GALNT13: variants seen among roughly 807,000 people sequenced by gnomAD.
GALNT13 encodes UDP-GalNAc:polypeptide N-acetylgalactosaminyltransferase 13.
A neutral mutation model predicts 64.2 loss-of-function variants in GALNT13; 28 were observed. The observed-to-expected ratio is 0.44, with a 90% CI of 0.32 to 0.60. The LOEUF (loss-of-function observed/expected upper bound fraction) is 0.60. GALNT13 is among the 20% of genes least tolerant of loss of function. The pLI, the probability that GALNT13 is intolerant of heterozygous loss-of-function variation, is 0.05. For synonymous variants in GALNT13, 214 were observed against 224.6 expected (o/e 0.95, Z 0.42); for missense variants, 577 against 669.8 (o/e 0.86, Z 1.53).
At chr2:153,255,718 A>G in the GALNT13 span, among the ~76,000 whole-genome samples, 4 of 152,244 alleles carry the variant, frequency 2.6e-5, no homozygotes, top group African/African-American at 9.6e-5. Flanking sequence ...TTTGTCCTTC[A>G]CTTATGAAGC....
the GALNT13 span, among the ~76,000 whole-genome samples, chr2:153,081,281 T>C: frequency 6.6e-6 from 1 of 152,172 alleles, no homozygotes; most frequent in Admixed American, 6.5e-5. Context: ...TGAGATGTTT[T>C]GATACAGGTA....
At chr2:153,152,036 C>T in the GALNT13 span, among the ~76,000 whole-genome samples, 11 of 151,966 alleles carry the variant, frequency 7.2e-5, no homozygotes, top group South Asian at 2.1e-4. Context: ...CTGAATGGAG[C>T]GGGTCTAGCT....
chr2:153,527,125 T>C, the GALNT13 span, among the ~76,000 whole-genome samples: 1 of 152,148 alleles, frequency 6.6e-6, no homozygotes, highest in South Asian at 2.1e-4. Context: ...AGAAAGTTTA[T>C]TCAAAGGGAT....
At chr2:153,439,262 T>G in the GALNT13 span, among the ~76,000 whole-genome samples, 1 of 152,216 alleles carries the variant, frequency 6.6e-6, no homozygotes, top group Admixed American at 6.5e-5. Flanking sequence ...GCTCCTCAGG[T>G]GTCAGGGACC....
chr2:154,351,887 A>G (rs1696431488), intron 9 of GALNT13, among the ~76,000 whole-genome samples: 1 of 152,118 alleles, frequency 6.6e-6, no homozygotes. Context: ...GAAATAAAAC[A>G]TATTAATCAA....
the GALNT13 span, among the ~76,000 whole-genome samples, chr2:153,736,398 T>C: frequency 2.0e-5 from 3 of 152,204 alleles, no homozygotes; most frequent in Admixed American, 6.5e-5. Context: ...GTGGTTTCCC[T>C]ACTTCCCCAA....
the GALNT13 span, among the ~76,000 whole-genome samples, chr2:153,110,103 C>A: frequency 1.3e-5 from 2 of 152,094 alleles, no homozygotes; most frequent in Admixed American, 1.3e-4. Context: ...GATTAATACA[C>A]ATTCATGAAG....
At chr2:154,128,090 G>T (rs1175724133) in intron 3 of GALNT13, among the ~76,000 whole-genome samples, 1 of 151,938 alleles carries the variant, frequency 6.6e-6, no homozygotes, top group Non-Finnish European at 1.5e-5. Flanking sequence ...CATAAAAAAG[G>T]CCAGGGTATG....
At chr2:153,922,655 C>T (rs1689836635) in intron 2 of GALNT13, among the ~76,000 whole-genome samples, 1 of 152,054 alleles carries the variant, frequency 6.6e-6, no homozygotes, top group African/African-American at 2.4e-5. Flanking sequence ...AGGTGATAAT[C>T]CTTCCCCCAA....
intron 3 of GALNT13, among the ~76,000 whole-genome samples, chr2:154,066,300 G>A (rs756589208): frequency 1.4e-4 from 21 of 152,078 alleles, no homozygotes; most frequent in Non-Finnish European, 2.6e-4. Flanking sequence ...AGAGATAGAA[G>A]TAGAAAGAGT....
the GALNT13 span, among the ~76,000 whole-genome samples, chr2:153,097,873 C>T: frequency 1.3e-5 from 2 of 152,158 alleles, no homozygotes; most frequent in Non-Finnish European, 2.9e-5. Context: ...TGAGACCGGC[C>T]TGGCTAACAT....
intron 1 of GALNT13, among the ~76,000 whole-genome samples, chr2:153,893,887 C>G (rs1171542225): frequency 6.6e-6 from 1 of 151,812 alleles, no homozygotes; most frequent in African/African-American, 2.4e-5. Context: ...TGGAATGGGT[C>G]AAAAAGTAAG....
At chr2:153,519,566 A>G in the GALNT13 span, among the ~76,000 whole-genome samples, 1 of 152,022 alleles carries the variant, frequency 6.6e-6, no homozygotes, top group Non-Finnish European at 1.5e-5. Flanking sequence ...TGTCATCTAT[A>G]AATGTAGGGT....
the GALNT13 span, among the ~76,000 whole-genome samples, chr2:153,685,269 A>G: frequency 6.6e-6 from 1 of 151,944 alleles, no homozygotes; most frequent in Non-Finnish European, 1.5e-5. Flanking sequence ...CATTCCCACC[A>G]ACAGTATACA....
At chr2:153,078,631 G>T in the GALNT13 span, among the ~76,000 whole-genome samples, 1 of 151,886 alleles carries the variant, frequency 6.6e-6, no homozygotes, top group African/African-American at 2.4e-5. Flanking sequence ...GCCTCTGCTT[G>T]CTTCCTCTTG....
At chr2:153,216,020 A>G in the GALNT13 span, among the ~76,000 whole-genome samples, 1 of 151,894 alleles carries the variant, frequency 6.6e-6, no homozygotes, top group African/African-American at 2.4e-5. Flanking sequence ...GTAACTGCAA[A>G]TCTGTTTCTA....
chr2:153,393,653 G>A, the GALNT13 span, among the ~76,000 whole-genome samples: 2 of 151,258 alleles, frequency 1.3e-5, no homozygotes, highest in African/African-American at 4.9e-5. Context: ...TTCTGTGAAC[G>A]TATTTTCCAG....
At chr2:154,269,972 TG>T (rs1691266300) in intron 8 of GALNT13, among the ~76,000 whole-genome samples, 1 of 130,520 alleles carries the variant, frequency 7.7e-6, no homozygotes, top group Non-Finnish European at 1.6e-5. Context: ...TATTTCATTA[TG>T]GTTCCTAATA....
chr2:154,163,300 C>A (rs1452577303), intron 4 of GALNT13, among the ~76,000 whole-genome samples: 1 of 151,768 alleles, frequency 6.6e-6, no homozygotes, highest in African/African-American at 2.4e-5. Context: ...ATCAATGAAT[C>A]CAGGAGCTGG....
Sources: gnomAD v4.1 joint callset for allele counts (sites outside exome capture counted in the v4.1 genomes callset) on GRCh38, gnomAD v4.1.1 for gene constraint, MANE v1.5 for transcripts, NCBI Gene and HGNC (gene_info 2026-07-23, HGNC 2026-07-21) for gene names.